POLR1C: variants seen among roughly 807,000 people sequenced by gnomAD.
POLR1C encodes DNA-directed RNA polymerases I and III subunit RPAC1.
In POLR1C, 42 loss-of-function variants were observed where a neutral mutation model predicts 38.3. The observed-to-expected ratio is 1.10, with a 90% CI of 0.86 to 1.42. The LOEUF (loss-of-function observed/expected upper bound fraction) is 1.42, where lower values mean the gene tolerates loss of function less well. POLR1C is among the 40% of genes most tolerant of loss of function. POLR1C has a pLI of 0.00. For missense variants in POLR1C, 507 were observed against 450.5 expected, an observed-to-expected ratio of 1.13 and a Z score of -1.14; for synonymous variants, 163 against 163.9, an observed-to-expected ratio of 0.99 and a Z score of 0.04.
chr6:43,548,271 C>T (rs1795060947), intron 9 of POLR1C: 1 of 1,609,400 alleles, frequency 6.2e-7, no homozygotes. Context: ...CTGTGCATGT[C>T]TTGAGAAAGC....
exon 11 of POLR1C, chr6:43,561,637 C>G (rs1762423098): frequency 6.5e-6 from 1 of 153,044 alleles, no homozygotes; most frequent in South Asian, 2.1e-4. Context: ...CCTCACCCTC[C>G]CAAAATGCTG....
At chr6:43,524,846 C>A, downstream of POLR1C, 1 of 1,613,302 alleles carries the variant, frequency 6.2e-7, no homozygotes, top group Non-Finnish European at 8.5e-7. Flanking sequence ...CCTCGTATAT[C>A]TGGAAGGCCA....
chr6:43,521,323 C>CT lies in POLR1C; in HGVS notation c.*24dup, dbSNP rs1181927332. The CT allele has an allele frequency of 1.2e-6, 2 of 1,611,950 alleles. No individual in the cohort carries two copies. On this transcript the variant is annotated 3_prime_UTR_variant, in exon 9 of 9. Coordinates refer to ENST00000642195, the MANE Select transcript of POLR1C (RefSeq NM_203290.4). Reference sequence around the variant, plus strand: ...TGAGCTTGGATGCTTCTGAGGCAAGCTGAAGCTTTGGGTTCTGACTGACCC... The same window carrying CT: ...TGAGCTTGGATGCTTCTGAGGCAAGCTTGAAGCTTTGGGTTCTGACTGACCC...
Position 43,521,250 on chromosome 6 carries a change from G to C in POLR1C, c.991G>C (p.Gly331Arg). Residue 331 changes from glycine to arginine, a missense_variant, in exon 9 of 9, where the codon GGG (glycine) becomes CGG (arginine). By Grantham distance (125) the Gly-to-Arg change is moderately radical. Transcript: ENST00000642195. ...GAGTGAAGCCATCAAAGTACTGATG[G>C]GGAAGTGCCGGCGCTTCTTGGATGA... ...LVSEAIKVLMGKCRRFLDELD... is the reference protein window; with the variant it reads ...LVSEAIKVLMRKCRRFLDELD... 1 of 1,613,296 alleles carries C rather than the reference G, an allele frequency of 6.2e-7. No homozygotes were observed. Among genetic ancestry groups the C allele is most frequent in the Non-Finnish European group, 8.5e-7 (1 of 1,180,020 alleles).
intron 9 of POLR1C, among the ~76,000 whole-genome samples, chr6:43,538,082 CAAAAA>C (rs1217531011): frequency 2.8e-5 from 1 of 36,132 alleles, no homozygotes; most frequent in East Asian, 1.2e-3. Flanking sequence ...AAGATGGTCT[CAAAAA>C]AAAAAAAAAA....
At chr6:43,548,901 A>G (rs1372424796) in intron 9 of POLR1C, among the ~76,000 whole-genome samples, 2 of 152,130 alleles carry the variant, frequency 1.3e-5, no homozygotes, top group African/African-American at 4.8e-5. Context: ...ATCATTTGGC[A>G]GTAGTAATTA....
At chr6:43,523,976 T>G (rs970321067), downstream of POLR1C, 2 of 1,613,814 alleles carry the variant, frequency 1.2e-6, no homozygotes, top group African/African-American at 1.3e-5. Flanking sequence ...TAATGTGAAC[T>G]TCTTTTCGGA....
chr6:43,547,631 G>C (rs1215916493), intron 9 of POLR1C: 1 of 1,613,890 alleles, frequency 6.2e-7, no homozygotes, highest in Non-Finnish European at 8.5e-7. Context: ...AAGCCACACG[G>C]ATCCTCCAGG....
chr6:43,525,727 G>T (rs556042027), downstream of POLR1C: 4 of 1,136,476 alleles, frequency 3.5e-6, no homozygotes, highest in South Asian at 3.3e-5. Flanking sequence ...AGGAACTTAT[G>T]TAACAAAGGA....
chr6:43,548,565 A>T, intron 9 of POLR1C: 1 of 1,042,290 alleles, frequency 9.6e-7, no homozygotes, highest in Non-Finnish European at 1.3e-6. Context: ...GTCCCAGGAA[A>T]GTCAGGCCTA....
downstream of POLR1C, chr6:43,523,829 T>C (rs755180111): frequency 1.2e-4 from 186 of 1,613,646 alleles, 1 homozygote; most frequent in South Asian, 7.0e-4. Context: ...AAAGAAGAGA[T>C]GACAAGAAAG....
At chr6:43,550,142 AC>A (rs1795159058) in intron 9 of POLR1C, among the ~76,000 whole-genome samples, 2 of 152,152 alleles carry the variant, frequency 1.3e-5, no homozygotes, top group African/African-American at 4.8e-5. Flanking sequence ...TCACAATTTT[AC>A]CATCAAAACA....
chr6:43,544,368 C>T (rs1192876326), intron 9 of POLR1C: 1 of 152,544 alleles, frequency 6.6e-6, no homozygotes, highest in Non-Finnish European at 1.5e-5. Flanking sequence ...GAGAATCTTC[C>T]TCTACTGATT....
chr6:43,539,421 C>A, intron 9 of POLR1C: 1 of 1,569,426 alleles, frequency 6.4e-7, no homozygotes. Flanking sequence ...AGGAAAAAGT[C>A]AATGATCTCT....
Position 43,520,730 on chromosome 6 carries a change from G to A in POLR1C, c.761G>A (p.Ser254Asn). ...PVEGEAAEELSRCFSPGVIEV... is the reference protein window; with the variant it reads ...PVEGEAAEELNRCFSPGVIEV... Reference sequence around the variant, plus strand: ...GAAGGGGAGGCAGCTGAGGAGTTGAGCAGGTGCTTCTCACCTGGTGTTATT... The same window carrying A: ...GAAGGGGAGGCAGCTGAGGAGTTGAACAGGTGCTTCTCACCTGGTGTTATT... The change falls in exon 7 of 9, where the codon AGC becomes AAC. Residue 254 changes from serine (S) to asparagine (N), a missense_variant. Ser to Asn is a conservative substitution (Grantham distance 46). Transcript: ENST00000642195. 1 of 1,614,138 alleles carries A rather than the reference G, an allele frequency of 6.2e-7. No individual in the cohort carries two copies. Among genetic ancestry groups the A allele is most frequent in the South Asian group, 1.1e-5 (1 of 91,082 alleles).
At chr6:43,560,367 TAGCA>T in intron 10 of POLR1C, 2 of 1,497,214 alleles carry the variant, frequency 1.3e-6, no homozygotes, top group South Asian at 2.6e-5. Context: ...GATTATTACT[TAGCA>T]GTTATCAACT....
At chr6:43,523,919 C>A, downstream of POLR1C, 1 of 1,614,060 alleles carries the variant, frequency 6.2e-7, no homozygotes, top group Non-Finnish European at 8.5e-7. Context: ...CCAGCACCTC[C>A]GTCTCCAGCA....
chr6:43,542,328 A>C (rs1794737365), intron 9 of POLR1C, among the ~76,000 whole-genome samples: 1 of 152,114 alleles, frequency 6.6e-6, no homozygotes, highest in Non-Finnish European at 1.5e-5. Context: ...TTATCAGATT[A>C]TTTGACGCAG....
chr6:43,517,415 G>A (rs1326281552), intron 2 of POLR1C, 38 bp downstream of exon 2: 3 of 1,563,838 alleles, frequency 1.9e-6, no homozygotes, highest in African/African-American at 2.7e-5. Flanking sequence ...GGGTTATGAA[G>A]GCCAGACCTT....
Sources: allele counts gnomAD v4.1 joint callset (sites outside exome capture counted in the v4.1 genomes callset), GRCh38; gene constraint gnomAD v4.1.1; transcripts MANE v1.5; gene names NCBI Gene and HGNC (gene_info 2026-07-23, HGNC 2026-07-21).